The following XPO6 variants were observed in gnomAD, a reference collection of about 807,000 sequenced individuals.
XPO6 encodes the protein exportin 6, also known as exportin-6.
A neutral mutation model predicts 130.0 loss-of-function variants in XPO6; 3 were observed. That is an observed-to-expected ratio of 0.02 (90% CI 0.01 to 0.06). The LOEUF (loss-of-function observed/expected upper bound fraction) is 0.06, where lower values mean the gene tolerates loss of function less well. Ranked by LOEUF, XPO6 falls within the 10% of genes least tolerant of loss-of-function variation. The probability of loss-of-function intolerance (pLI) is 1.00; values close to 1 mark genes in which losing one functional copy is unlikely to be tolerated. For missense variants in XPO6, 970 were observed against 1,393.0 expected (o/e 0.70, Z 4.83); for synonymous variants, 524 against 548.9 (o/e 0.95, Z 0.63).
chr16:28,148,971 G>A (rs1459657291), intron 8 of XPO6, among the ~76,000 whole-genome samples: 3 of 151,584 alleles, frequency 2.0e-5, no homozygotes, highest in Non-Finnish European at 4.4e-5. Context: ...GAACCCAGGA[G>A]GCAGAGGTTG....
chr16:28,176,756 G>A (rs1486355889), intron 3 of XPO6, among the ~76,000 whole-genome samples: 3 of 149,870 alleles, frequency 2.0e-5, no homozygotes, highest in African/African-American at 4.9e-5. Flanking sequence ...TGATCCACCC[G>A]CCTCGGCCTC....
At chr16:28,193,108 A>G (rs1316073361) in intron 1 of XPO6, among the ~76,000 whole-genome samples, 2 of 152,148 alleles carry the variant, frequency 1.3e-5, no homozygotes, top group African/African-American at 2.4e-5. Flanking sequence ...AGTCCCCCTA[A>G]GTTGCCACCA....
At position 28,101,589 on chromosome 16, in the gene XPO6, C is replaced by T. The variant is rs574810972; in HGVS notation, c.3145G>A (p.Ala1049Thr). The T allele has an allele frequency of 5.6e-6, 9 of 1,614,216 alleles. No homozygotes were observed. Among genetic ancestry groups the T allele is most frequent in the South Asian group, 3.3e-5 (3 of 91,092 alleles). ...HDLLQEEIGI[A>T]IYNMASVDFD... is the part of the protein sequence containing the mutation. ...TCGACTGAGGCCATGTTGTAGATGG[C>T]GATGCCAATCTCCTCCTGCAGAAGA... is the stretch of plus-strand genomic sequence containing the variant. The change falls in exon 23 of 24, where the codon GCC (alanine) becomes ACC (threonine). Residue 1049 changes from alanine to threonine, a missense_variant. Ala to Thr is a moderately conservative substitution (Grantham distance 58, BLOSUM62 0). Around this residue, in one of 4 missense-constraint regions of XPO6, gnomAD observed 936 missense variants for 1,306.8 expected, o/e 0.72. Transcript: ENST00000304658. This position sits in a 1 kb window ranked among gnomAD's most constrained non-coding sequence, Gnocchi z 5.4.
chr16:28,147,839 C>T (rs964874680), intron 8 of XPO6, among the ~76,000 whole-genome samples: 77 of 152,256 alleles, frequency 5.1e-4, no homozygotes, highest in African/African-American at 1.8e-3. Context: ...CCCAGCTACT[C>T]GGGAGGCTTA....
chr16:28,188,812 C>G (rs1015154335), intron 1 of XPO6, among the ~76,000 whole-genome samples: 2 of 152,066 alleles, frequency 1.3e-5, no homozygotes, highest in African/African-American at 4.8e-5. Context: ...TATCCCCCTC[C>G]TGAAGTCATT....
intron 11 of XPO6, 119 bp downstream of exon 11, chr16:28,133,722 T>C (rs2042720013): frequency 2.2e-6 from 2 of 898,876 alleles, no homozygotes; most frequent in Admixed American, 2.7e-5. Context: ...TTATTCTGTT[T>C]TTAAAAATTA....
At chr16:28,112,671 GCA>G (rs1208682654) in intron 16 of XPO6, among the ~76,000 whole-genome samples, 1 of 152,250 alleles carries the variant, frequency 6.6e-6, no homozygotes, top group Non-Finnish European at 1.5e-5. Flanking sequence ...AAACCTTTCT[GCA>G]CACTGGGAGG....
At chr16:28,121,457 T>C (rs532112882) in intron 14 of XPO6, among the ~76,000 whole-genome samples, 1 of 152,282 alleles carries the variant, frequency 6.6e-6, no homozygotes, top group Admixed American at 6.5e-5. Context: ...AGAATCTCCA[T>C]CCCAGCTCTC....
rs1323048492 is a variant in XPO6, at chr16:28,125,778, G to A, written c.1677C>T (p.Ser559=). 4 of 1,614,086 alleles carry A rather than the reference G, an allele frequency of 2.5e-6. No homozygotes were observed. Among genetic ancestry groups the A allele is most frequent in the Non-Finnish European group, 3.4e-6 (4 of 1,180,058 alleles). Residue 559 remains serine (S), a synonymous_variant, in exon 13 of 24, where the codon TCC becomes TCT. Coordinates refer to ENST00000304658, the MANE Select transcript of XPO6 (RefSeq NM_015171.4). ...CCAGGCGGCCCACGGCCTGCAGCAG[G>A]GAGCTCAAGTCTCTCAGGGAGCAGT... is the stretch of plus-strand genomic sequence containing the variant. ...RLHCSLRDLS[S]LLQAVGRLAE... is the part of the protein sequence containing the mutation.
Position 28,133,874 on chromosome 16 carries a change from C to CAT in XPO6, c.1501_1502dup (p.Met501IlefsTer21). The CAT allele has an allele frequency of 6.2e-7, 1 of 1,614,090 alleles. No individual in the cohort carries two copies. Among genetic ancestry groups the CAT allele is most frequent in the Non-Finnish European group, 8.5e-7 (1 of 1,179,998 alleles). ...AGAAGGCGTGCGTGGGCAGGAGCTC[C>CAT]ATCACTTTGGCCACCACCTCCAAGC... On this transcript the variant is annotated frameshift_variant, in exon 11 of 24. Coordinates refer to ENST00000304658, the MANE Select transcript of XPO6 (RefSeq NM_015171.4). LOFTEE classifies it high-confidence loss of function.
intron 1 of XPO6, among the ~76,000 whole-genome samples, chr16:28,191,351 C>T (rs1341770505): frequency 1.3e-5 from 2 of 152,170 alleles, no homozygotes; most frequent in Non-Finnish European, 2.9e-5. Context: ...GTAAGTAATA[C>T]AGCCAAGAGT....
intron 6 of XPO6, among the ~76,000 whole-genome samples, chr16:28,161,303 A>T (rs2043274181): frequency 6.6e-6 from 1 of 152,154 alleles, no homozygotes; most frequent in African/African-American, 2.4e-5. Context: ...GGTTTGGGGG[A>T]CTTCCAGGGG....
At chr16:28,209,962 C>T (rs1236948134) in intron 1 of XPO6, among the ~76,000 whole-genome samples, 1 of 151,964 alleles carries the variant, frequency 6.6e-6, no homozygotes, top group Non-Finnish European at 1.5e-5. Context: ...CGTGGTGAGA[C>T]CTCATCTCCA....
intron 9 of XPO6, among the ~76,000 whole-genome samples, chr16:28,141,772 A>C (rs1190967880): frequency 2.6e-5 from 4 of 152,220 alleles, no homozygotes; most frequent in Non-Finnish European, 5.9e-5. Flanking sequence ...CACCCTGGCT[A>C]ACACGGTGAA....
intron 6 of XPO6, among the ~76,000 whole-genome samples, chr16:28,158,741 C>G (rs2043222482): frequency 6.6e-6 from 1 of 152,102 alleles, no homozygotes; most frequent in Non-Finnish European, 1.5e-5. Flanking sequence ...TCATCAGGCC[C>G]CATCCCACAC....
chr16:28,197,779 C>T (rs1051710204), intron 1 of XPO6, among the ~76,000 whole-genome samples: 4 of 151,332 alleles, frequency 2.6e-5, no homozygotes, highest in African/African-American at 9.7e-5. Flanking sequence ...ATTAGCCAGG[C>T]GTGGTGGCGG....
At chr16:28,150,408 AC>A (rs2141814005) in intron 8 of XPO6, among the ~76,000 whole-genome samples, 1 of 152,288 alleles carries the variant, frequency 6.6e-6, no homozygotes, top group South Asian at 2.1e-4. Flanking sequence ...ATAGGAGTCT[AC>A]TGAAAGAATC....
chr16:28,117,389 G>T lies in XPO6; in HGVS notation c.1933C>A (p.Gln645Lys), dbSNP rs549471531. 10 of 1,614,084 alleles carry T rather than the reference G, an allele frequency of 6.2e-6. No homozygotes were observed. The highest frequency in any genetic ancestry group is 8.5e-6 in the Non-Finnish European group (10 of 1,180,048). ...LAQYCSEVHR[Q>K]NTQQFVTLIS... ...AGTGTCACGAACTGCTGCGTGTTCT[G>T]CCGGTGAACTTCACTGCAATACTGT... is the stretch of plus-strand genomic sequence containing the variant. The change falls in exon 15 of 24, where the codon CAG becomes AAG. Residue 645 changes from glutamine to lysine, a missense_variant. Transcript: ENST00000304658.
chr16:28,154,152 C>G (rs1172777287), intron 7 of XPO6: 18 of 984,082 alleles, frequency 1.8e-5, no homozygotes, highest in Non-Finnish European at 2.2e-5. Flanking sequence ...GAACTCCTTC[C>G]TCACTCACTT....
Sources: gnomAD v4.1 joint callset for allele counts (sites outside exome capture counted in the v4.1 genomes callset) on GRCh38, gnomAD v4.1.1 for gene constraint, gnomAD v4.1.1 regional missense constraint, Gnocchi (gnomAD v3.1) non-coding constraint, MANE v1.5 for transcripts, NCBI Gene and HGNC (gene_info 2026-07-23, HGNC 2026-07-21) for gene names.